The following TUSC3 variants were observed in gnomAD, a reference collection of about 807,000 sequenced individuals.
TUSC3 encodes dolichyl-diphosphooligosaccharide--protein glycosyltransferase subunit TUSC3.
Under a neutral mutation model 44.8 loss-of-function variants are expected in TUSC3, and 45 were observed. The ratio of observed to expected loss-of-function variants is 1.00; its 90% CI spans 0.79 to 1.29. The LOEUF is 1.29. Ranked by LOEUF, TUSC3 falls within the 50% of genes most tolerant of loss-of-function variation. The pLI, the probability that TUSC3 is intolerant of heterozygous loss-of-function variation, is 0.00. For missense variants in TUSC3, 519 were observed against 437.9 expected (o/e 1.19, Z -1.65); for synonymous variants, 212 against 152.9 (o/e 1.39, Z -2.85).
At chr8:15,700,899 C>T (rs1809374138) in intron 6 of TUSC3, among the ~76,000 whole-genome samples, 1 of 124,158 alleles carries the variant, frequency 8.1e-6, no homozygotes, top group Non-Finnish European at 1.6e-5. Context: ...GGGTTGCCCA[C>T]TTCTCCAGTA....
chr8:15,747,886 T>C (rs1351919997), intron 8 of TUSC3, among the ~76,000 whole-genome samples: 1 of 152,110 alleles, frequency 6.6e-6, no homozygotes, highest in East Asian at 1.9e-4. Context: ...ATGCTCTTAC[T>C]GAGGCAATAC....
At chr8:15,737,738 T>C (rs1810998819) in intron 7 of TUSC3, among the ~76,000 whole-genome samples, 1 of 152,136 alleles carries the variant, frequency 6.6e-6, no homozygotes, top group South Asian at 2.1e-4. Context: ...TTCTTTTTGG[T>C]CAGACGTAGA....
the TUSC3 span, among the ~76,000 whole-genome samples, chr8:15,803,344 G>C: frequency 6.6e-6 from 1 of 152,148 alleles, no homozygotes; most frequent in African/African-American, 2.4e-5. Flanking sequence ...TAATTAGACA[G>C]ATAAGCATAC....
At chr8:15,560,494 T>C (rs545714911) in intron 1 of TUSC3, among the ~76,000 whole-genome samples, 1 of 151,278 alleles carries the variant, frequency 6.6e-6, no homozygotes, top group East Asian at 1.9e-4. Flanking sequence ...GGAGTTGCTC[T>C]TCTCGAGAAG....
chr8:15,837,943 G>A, the TUSC3 span, among the ~76,000 whole-genome samples: 5 of 152,202 alleles, frequency 3.3e-5, no homozygotes, highest in Admixed American at 3.3e-4. Flanking sequence ...GAGTTTGCAT[G>A]AAAGAAGAGT....
In TUSC3 at chr8:15,766,617, C is replaced by T. The variant is rs969956165; in HGVS notation, c.*2461C>T. ...ATTTTGCTTAACATACTGTTCCTGG[C>T]ATTAGATATTCACATGAGTAAGCCC... On this transcript the variant is annotated 3_prime_UTR_variant, in exon 11 of 11. Coordinates refer to ENST00000503731, the MANE Select transcript of TUSC3 (RefSeq NM_006765.4). The T allele has an allele frequency of 3.9e-5, 6 of 152,098 alleles. No individual in the cohort carries two copies. Among genetic ancestry groups the T allele is most frequent in the African/African-American group, 1.2e-4 (5 of 41,420 alleles). The allele number at this position is 152,098 out of a possible 1,614,324, so 9.4% of individuals were successfully genotyped here.
intron 2 of TUSC3, among the ~76,000 whole-genome samples, chr8:15,512,866 G>T (rs6987808): frequency 1.3e-5 from 1 of 74,504 alleles, no homozygotes; most frequent in African/African-American, 6.6e-5. Context: ...GTATATATAT[G>T]TGTGTGTATA....
chr8:15,746,331 ATGTGCTTGTGTG>A (rs1390627770), intron 8 of TUSC3, among the ~76,000 whole-genome samples: 4 of 151,978 alleles, frequency 2.6e-5, no homozygotes, highest in African/African-American at 9.7e-5. Context: ...CATGTTGTGT[ATGTGCTTGTGTG>A]TGTATGAAAG....
the TUSC3 span, among the ~76,000 whole-genome samples, chr8:15,824,890 G>T: frequency 6.6e-6 from 1 of 152,230 alleles, no homozygotes; most frequent in Non-Finnish European, 1.5e-5. Context: ...GGACTGAAAA[G>T]TTTCAGTATC....
intron 1 of TUSC3, among the ~76,000 whole-genome samples, chr8:15,456,037 C>A (rs1171534484): frequency 6.6e-6 from 1 of 152,114 alleles, no homozygotes; most frequent in Non-Finnish European, 1.5e-5. Flanking sequence ...GTGGCCCTAC[C>A]CAGAATAATT....
chr8:15,705,099 G>A (rs865893007), intron 6 of TUSC3, among the ~76,000 whole-genome samples: 1 of 151,224 alleles, frequency 6.6e-6, no homozygotes, highest in Middle Eastern at 3.4e-3. Flanking sequence ...CAAAGATAAT[G>A]TAAAATGCCC....
intron 1 of TUSC3, among the ~76,000 whole-genome samples, chr8:15,580,932 C>A (rs1285942436): frequency 1.6e-5 from 2 of 123,548 alleles, no homozygotes; most frequent in Non-Finnish European, 3.3e-5. Context: ...TGGTTCCATT[C>A]TCCCCATCAC....
At chr8:15,432,536 G>GT (rs1799884813) in intron 1 of TUSC3, among the ~76,000 whole-genome samples, 1 of 152,024 alleles carries the variant, frequency 6.6e-6, no homozygotes, top group African/African-American at 2.4e-5. Flanking sequence ...TTCTCAAACT[G>GT]TTTTTTGCCT....
chr8:15,661,613 A>G (rs1007681458), intron 4 of TUSC3, among the ~76,000 whole-genome samples: 3 of 151,892 alleles, frequency 2.0e-5, no homozygotes, highest in African/African-American at 7.2e-5. Flanking sequence ...CCATTTTTTC[A>G]TGGTATAATT....
chr8:15,642,166 T>C (rs1316060784), intron 2 of TUSC3, among the ~76,000 whole-genome samples: 2 of 152,182 alleles, frequency 1.3e-5, no homozygotes, highest in Non-Finnish European at 2.9e-5. Context: ...TATTACTGGG[T>C]AGAATAGTTG....
At chr8:15,583,510 T>G (rs941623822) in intron 1 of TUSC3, among the ~76,000 whole-genome samples, 5 of 152,176 alleles carry the variant, frequency 3.3e-5, no homozygotes, top group Non-Finnish European at 5.9e-5. Context: ...TAAAAATGTG[T>G]TCTATGGTTA....
At chr8:15,692,357 ACCCC>A (rs57593991) in intron 6 of TUSC3, among the ~76,000 whole-genome samples, 6,676 of 88,050 alleles carry the variant, frequency 0.076, 422 homozygotes, top group African/African-American at 0.13. Context: ...TTGGGAGGAG[ACCCC>A]CCCCCCCCCC....
At chr8:15,508,826 G>T (rs2129127984) in intron 2 of TUSC3, among the ~76,000 whole-genome samples, 1 of 152,254 alleles carries the variant, frequency 6.6e-6, no homozygotes, top group African/African-American at 2.4e-5. Context: ...AAAAACCAAA[G>T]TGTATTGAGC....
intron 1 of TUSC3, among the ~76,000 whole-genome samples, chr8:15,475,219 C>G (rs999040942): frequency 3.4e-5 from 5 of 147,760 alleles, no homozygotes; most frequent in African/African-American, 7.3e-5. Context: ...GTTATTAAAT[C>G]CATTTTTTTG....
Sources: allele counts gnomAD v4.1 joint callset (sites outside exome capture counted in the v4.1 genomes callset), GRCh38; gene constraint gnomAD v4.1.1; transcripts MANE v1.5; gene names NCBI Gene and HGNC (gene_info 2026-07-23, HGNC 2026-07-21).